Variants in FSTL4 observed in about 807,000 individuals in gnomAD.
FSTL4 encodes follistatin-related protein 4.
A neutral mutation model predicts 78.2 loss-of-function variants in FSTL4; 28 were observed. The observed-to-expected ratio is 0.36, with a 90% confidence interval of 0.27 to 0.49. FSTL4 has a LOEUF of 0.49. Ranked by LOEUF, FSTL4 falls within the 20% of genes least tolerant of loss-of-function variation. FSTL4 has a pLI of 0.98. For missense variants in FSTL4, 922 were observed against 1,084.9 expected, an observed-to-expected ratio of 0.85 and a Z score of 2.11; for synonymous variants, 422 against 440.5, an observed-to-expected ratio of 0.96 and a Z score of 0.53.
At chr5:133,700,096 C>G in the FSTL4 span, among the ~76,000 whole-genome samples, 1 of 152,078 alleles carries the variant, frequency 6.6e-6, no homozygotes, top group Non-Finnish European at 1.5e-5. Flanking sequence ...AACCACACAT[C>G]GAGTAGCATC....
chr5:133,445,646 G>C (rs1757248659), intron 3 of FSTL4, among the ~76,000 whole-genome samples: 1 of 152,210 alleles, frequency 6.6e-6, no homozygotes. Flanking sequence ...GCTGAGAGCA[G>C]ACTGGGATGG....
the FSTL4 span, among the ~76,000 whole-genome samples, chr5:133,777,656 A>G: frequency 0.96 from 146,592 of 152,322 alleles, 70,579 homozygotes; most frequent in East Asian, 1. Context: ...TAAGTGGAAC[A>G]TTACACAAAT....
chr5:133,335,684 G>GGC (rs980224244), intron 4 of FSTL4, among the ~76,000 whole-genome samples: 2 of 151,148 alleles, frequency 1.3e-5, no homozygotes, highest in African/African-American at 4.9e-5. Context: ...CCTTTCTTGG[G>GGC]GGGGGTGGCA....
At chr5:133,651,538 C>T in the FSTL4 span, among the ~76,000 whole-genome samples, 5 of 152,014 alleles carry the variant, frequency 3.3e-5, no homozygotes. Flanking sequence ...TGATGGATTA[C>T]ATTAATTGAT....
In FSTL4 at chr5:133,312,722, T is replaced by A; in HGVS notation, c.659A>T (p.Asp220Val). 6.2e-7 allele frequency: 1 copy of A among 1,613,736 alleles called. No homozygotes were observed. The highest frequency in any genetic ancestry group is 1.1e-5 in the South Asian group (1 of 91,062). Reference sequence around the variant, plus strand: ...GTTGTAATCGTCAAATCGGAGGAGGTCACCTGGTGAGCAACCAAGTAAGTC... The same window carrying A: ...GTTGTAATCGTCAAATCGGAGGAGGACACCTGGTGAGCAACCAAGTAAGTC... ...DEDLLGCSPG[D>V]LLRFDDYNSD... Residue 220 changes from aspartate to valine, a missense_variant, in exon 6 of 16, where the codon GAC becomes GTC. Asp to Val is a radical substitution (Grantham distance 152). Transcript: ENST00000265342.
At chr5:133,649,027 C>G in the FSTL4 span, among the ~76,000 whole-genome samples, 1 of 152,140 alleles carries the variant, frequency 6.6e-6, no homozygotes, top group Non-Finnish European at 1.5e-5. Flanking sequence ...ACCCATTTGT[C>G]CCTCCCTTCC....
intron 3 of FSTL4, among the ~76,000 whole-genome samples, chr5:133,430,984 T>C: frequency 6.6e-6 from 1 of 152,188 alleles, no homozygotes; most frequent in East Asian, 1.9e-4. Context: ...AATAATTAAA[T>C]GCAACCAGAA....
the FSTL4 span, among the ~76,000 whole-genome samples, chr5:133,675,201 G>A: frequency 2.0e-5 from 3 of 152,128 alleles, no homozygotes; most frequent in African/African-American, 7.2e-5. Context: ...GACAGGAAAA[G>A]CACCAGGGCA....
chr5:133,437,799 GT>G (rs895452557), intron 3 of FSTL4, among the ~76,000 whole-genome samples: 163 of 146,016 alleles, frequency 1.1e-3, no homozygotes, highest in Admixed American at 2.9e-3. Context: ...CCAGTAAATG[GT>G]TTTTTTTTTT....
At chr5:133,840,836 A>G in the FSTL4 span, among the ~76,000 whole-genome samples, 1 of 152,244 alleles carries the variant, frequency 6.6e-6, no homozygotes, top group South Asian at 2.1e-4. Context: ...CCTCTCCAGG[A>G]ATTCATTCAA....
At chr5:133,517,447 A>AAAT (rs1554068019) in intron 3 of FSTL4, among the ~76,000 whole-genome samples, 1 of 16,404 alleles carries the variant, frequency 6.1e-5, no homozygotes. Flanking sequence ...AAAAAAAAAA[A>AAAT]ATATATATAT....
chr5:133,548,586 G>A (rs562157655), intron 3 of FSTL4, among the ~76,000 whole-genome samples: 32 of 152,262 alleles, frequency 2.1e-4, no homozygotes, highest in Non-Finnish European at 4.0e-4. Context: ...CATCAGTTGA[G>A]GTAGACCTAG....
At chr5:133,351,154 C>G (rs1002924988) in intron 4 of FSTL4, among the ~76,000 whole-genome samples, 1 of 152,126 alleles carries the variant, frequency 6.6e-6, no homozygotes, top group Non-Finnish European at 1.5e-5. Context: ...GAGCCCTTCT[C>G]GTAGCTTCTA....
chr5:133,325,225 T>C (rs1218440454), intron 4 of FSTL4, among the ~76,000 whole-genome samples: 2 of 152,182 alleles, frequency 1.3e-5, no homozygotes, highest in East Asian at 1.9e-4. Context: ...GGCTATGGCA[T>C]AGCTTCAGGA....
At chr5:133,777,434 C>T in the FSTL4 span, among the ~76,000 whole-genome samples, 1 of 151,388 alleles carries the variant, frequency 6.6e-6, no homozygotes, top group Non-Finnish European at 1.5e-5. Context: ...TATCAATTAA[C>T]TTATGTCTTG....
intron 3 of FSTL4, among the ~76,000 whole-genome samples, chr5:133,547,169 A>C (rs1759593471): frequency 6.6e-6 from 1 of 152,050 alleles, no homozygotes; most frequent in African/African-American, 2.4e-5. Context: ...CTCAAAACTT[A>C]ATGTTGTTCC....
intron 6 of FSTL4, among the ~76,000 whole-genome samples, chr5:133,304,852 C>T (rs1753621671): frequency 6.6e-6 from 1 of 152,160 alleles, no homozygotes; most frequent in Admixed American, 6.5e-5. Flanking sequence ...ATTGTTCCAC[C>T]CAGAACCCCA....
At chr5:133,408,130 G>GCGGCAA (rs1297461510) in intron 3 of FSTL4, among the ~76,000 whole-genome samples, 1 of 152,174 alleles carries the variant, frequency 6.6e-6, no homozygotes, top group African/African-American at 2.4e-5. Context: ...CCTTTAATCA[G>GCGGCAA]CGGCAAATTG....
chr5:133,627,841 A>G, the FSTL4 span, among the ~76,000 whole-genome samples: 1 of 151,500 alleles, frequency 6.6e-6, no homozygotes, highest in South Asian at 2.1e-4. Flanking sequence ...TAAACTTCTA[A>G]GATATATTTA....
Sources: allele counts gnomAD v4.1 joint callset (sites outside exome capture counted in the v4.1 genomes callset), GRCh38; gene constraint gnomAD v4.1.1; transcripts MANE v1.5; gene names NCBI Gene and HGNC (gene_info 2026-07-23, HGNC 2026-07-21).